RNF213: variants seen among roughly 807,000 people sequenced by gnomAD.
RNF213 encodes E3 ubiquitin-protein ligase RNF213.
In RNF213, 341 loss-of-function variants were observed where a neutral mutation model predicts 514.4. That is an observed-to-expected ratio of 0.66 (90% confidence interval 0.61 to 0.73). The LOEUF (loss-of-function observed/expected upper bound fraction) is 0.73. RNF213 is among the 30% of genes least tolerant of loss of function. The pLI is 0.00. For synonymous variants in RNF213, 2,655 were observed against 2,658.2 expected, an observed-to-expected ratio of 1.00 and a Z score of 0.04; for missense variants, 5,767 against 6,615.6, an observed-to-expected ratio of 0.87 and a Z score of 4.45.
Position 80,360,226 on chromosome 17 carries a change from G to A in RNF213, c.11200+20G>A, listed in dbSNP as rs1472426582. The A allele has an allele frequency of 8.1e-6, 13 of 1,607,296 alleles. No individual in the cohort carries two copies. Among genetic ancestry groups the A allele is most frequent in the Non-Finnish European group, 1.1e-5 (13 of 1,176,826 alleles). ...CAGAAGGTGAGGCTACCTCAAGACAGGTCAGATTCAGCACAGGTGAATCAC... is the reference window on the plus strand; with the variant it reads ...CAGAAGGTGAGGCTACCTCAAGACAAGTCAGATTCAGCACAGGTGAATCAC... On this transcript the variant is annotated intron_variant, in intron 38 of 67. Transcript: ENST00000582970.
rs927824255 is a variant in RNF213, at chr17:80,266,799, C to G, written c.97+3021C>G. On this transcript the variant is annotated intron_variant, in intron 2 of 67. Coordinates refer to ENST00000582970, the MANE Select transcript of RNF213 (RefSeq NM_001256071.3). ...TTACAGGTGTGAGCCACCCACCGCA[C>G]CTGGCCTCATGTCTCTCACTTTAAA... Among the ~76,000 whole-genome samples the G allele has an allele frequency of 5.3e-5, 8 of 152,254 alleles. No individual in the cohort carries two copies. In the South Asian group the frequency reaches 6.2e-4, roughly 12 times the overall value.
chr17:80,271,004 A>G (rs1161120310), intron 2 of RNF213, among the ~76,000 whole-genome samples: 1 of 152,082 alleles, frequency 6.6e-6, no homozygotes, highest in Non-Finnish European at 1.5e-5. Context: ...GGATGCTTCC[A>G]TACTTCTTGC....
intron 36 of RNF213, 126 bp from the exon 37 acceptor site, chr17:80,358,162 G>A (rs140435486): frequency 0.011 from 8,210 of 736,026 alleles, 63 homozygotes; most frequent in Middle Eastern, 0.022. Context: ...TGCTGTCGCT[G>A]TAGTGTGGTA....
chr17:80,298,406 T>C lies in RNF213; in HGVS notation c.2098T>C (p.Cys700Arg), dbSNP rs757938118. The C allele has an allele frequency of 3.7e-6, 6 of 1,614,190 alleles. No individual in the cohort carries two copies. The highest frequency in any genetic ancestry group is 2.5e-6 in the Non-Finnish European group (3 of 1,180,036). ...TWLGALPVLH[C>R]CMELAPRHKD... ...GCTGGGCGCCCTGCCTGTCCTGCAC[T>C]GCTGTATGGAGCTGGCCCCGCGGCA... Residue 700 changes from cysteine to arginine, a missense_variant, in exon 11 of 68, where the codon TGC becomes CGC. This residue lies in a region of RNF213 where 592 missense variants were observed against 673.9 expected (regional missense o/e 0.88). Transcript: ENST00000582970.
At chr17:80,305,478 T>C (rs2045326599) in intron 11 of RNF213, among the ~76,000 whole-genome samples, 1 of 151,288 alleles carries the variant, frequency 6.6e-6, no homozygotes, top group Non-Finnish European at 1.5e-5. Flanking sequence ...GCGCCCGGCC[T>C]GATTTTATTA....
At chr17:80,270,270 C>T (rs1166807261) in intron 2 of RNF213, among the ~76,000 whole-genome samples, 1 of 152,224 alleles carries the variant, frequency 6.6e-6, no homozygotes, top group Non-Finnish European at 1.5e-5. Flanking sequence ...CTATCCTGGG[C>T]ACTTCCCTTG....
chr17:80,293,987 G>A (rs1006344157), intron 8 of RNF213, among the ~76,000 whole-genome samples: 5 of 152,190 alleles, frequency 3.3e-5, no homozygotes, highest in Admixed American at 6.5e-5. Flanking sequence ...ACTGTGGGTC[G>A]AAAGCATGGC....
chr17:80,385,745 T>TG (rs1367631377), intron 61 of RNF213, 124 bp downstream of exon 61: 1 of 833,332 alleles, frequency 1.2e-6, no homozygotes, highest in Non-Finnish European at 2.0e-6. Flanking sequence ...GTTTTTGAGA[T>TG]GGAGTCTTGC....
In RNF213 at chr17:80,342,328, C is replaced by T. The variant is rs144322135; in HGVS notation, c.5990-804C>T. On this transcript the variant is annotated intron_variant, in intron 26 of 67. Transcript: ENST00000582970. ...AACGTGTCCCTAGTGCTAAGTGGCG[C>T]GGGACTCTGCTTTGCCTGCTGTCCT... Among the ~76,000 whole-genome samples the T allele has an allele frequency of 2.4e-4, 37 of 152,224 alleles. No individual in the cohort carries two copies. The East Asian group carries it at 6.0e-3, about 25-fold the overall frequency.
Position 80,294,835 on chromosome 17 carries a change from C to G in RNF213, c.1587C>G (p.Ala529=). ...RKDLVKGKQI[A]AALMLDSTFS... ...ACCTGGTGAAGGGGAAGCAGATTGC[C>G]GCTGCGCTCATGCTGGACAGCACCT... Residue 529 remains alanine (A), a synonymous_variant, in exon 9 of 68, where the codon GCC becomes GCG. Coordinates refer to ENST00000582970, the MANE Select transcript of RNF213 (RefSeq NM_001256071.3). The G allele has an allele frequency of 6.2e-7, 1 of 1,614,188 alleles. No individual in the cohort carries two copies. Among genetic ancestry groups the G allele is most frequent in the Non-Finnish European group, 8.5e-7 (1 of 1,180,036 alleles).
Position 80,389,193 on chromosome 17 carries a change from CA to C in RNF213, c.15022del (p.Ile5008LeufsTer21). On this transcript the variant is annotated frameshift_variant, in exon 65 of 68. Coordinates refer to ENST00000582970, the MANE Select transcript of RNF213 (RefSeq NM_001256071.3). LOFTEE classifies it high-confidence loss of function. ...CCCAGGACTCCCTCCCCAGCTCGGT[CA>C]TTAGTGCCATCAGTGGACAGCTGCA... ...MAQDSLPSSV[I>X]SAISGQLQSY... is the part of the protein sequence containing the mutation. 6.2e-7 allele frequency: 1 copy of C among 1,614,110 alleles called. No individual in the cohort carries two copies. The highest frequency in any genetic ancestry group is 8.5e-7 in the Non-Finnish European group (1 of 1,179,980).
chr17:80,287,503 A>G (rs539737220), intron 3 of RNF213, among the ~76,000 whole-genome samples: 6 of 152,278 alleles, frequency 3.9e-5, no homozygotes, highest in Admixed American at 3.3e-4. Flanking sequence ...CCTTGTCTCA[A>G]ATAAATAAAT....
rs2079798380 is a variant in RNF213, at chr17:80,377,252, A to G, written c.13510+289A>G. Reference sequence around the variant, plus strand: ...TTTTGGGAGAAGGGAGGGACTGGGAACCACATCAGAGACGCATTCAAAGGC... The same window carrying G: ...TTTTGGGAGAAGGGAGGGACTGGGAGCCACATCAGAGACGCATTCAAAGGC... On this transcript the variant is annotated intron_variant, in intron 53 of 67. Transcript: ENST00000582970. This position sits in a 1 kb window ranked among gnomAD's most constrained non-coding sequence, Gnocchi z 4.1. 2.1e-6 allele frequency: 1 copy of G among 472,840 alleles called. No homozygotes were observed. The highest frequency in any genetic ancestry group is 3.4e-5 in the Admixed American group (1 of 29,388). 29.3% of individuals were successfully genotyped at this position (472,840 alleles called of 1,614,324 possible).
At chr17:80,361,664 G>T (rs556200707) in intron 38 of RNF213, 70 bp from the exon 39 acceptor site, 3 of 1,562,546 alleles carry the variant, frequency 1.9e-6, no homozygotes, top group Admixed American at 1.7e-5. Context: ...TCACTCCGGA[G>T]CCCCCTGGAG....
At chr17:80,378,519 G>C (rs533272516) in intron 54 of RNF213, among the ~76,000 whole-genome samples, 2 of 152,264 alleles carry the variant, frequency 1.3e-5, no homozygotes, top group Non-Finnish European at 2.9e-5. Context: ...AGAGTGACAT[G>C]ATCATAGCTC....
In RNF213 at chr17:80,295,096, G is replaced by A. The variant is rs372156192; in HGVS notation, c.1755+93G>A. On this transcript the variant is annotated intron_variant, in intron 9 of 67. Coordinates refer to ENST00000582970, the MANE Select transcript of RNF213 (RefSeq NM_001256071.3). ...ATGACCCCTTGACTCTGTGGGCCAGGTTGCAAATGGGAATGTGTAGAACTT... is the reference window on the plus strand; with the variant it reads ...ATGACCCCTTGACTCTGTGGGCCAGATTGCAAATGGGAATGTGTAGAACTT... 1.9e-5 allele frequency: 28 copies of A among 1,465,342 alleles called. 1 individual carries two copies. The African/African-American group carries it at 3.7e-4, about 20-fold the overall frequency. 90.8% of individuals were successfully genotyped at this position (1,465,342 alleles called of 1,614,324 possible).
intron 3 of RNF213, 88 bp downstream of exon 3, chr17:80,273,492 A>C: frequency 6.5e-7 from 1 of 1,541,250 alleles, no homozygotes; most frequent in Non-Finnish European, 8.8e-7. Flanking sequence ...GCCCCCGAAA[A>C]TGCCACCATG....
In RNF213 at chr17:80,340,073, C is replaced by T. The variant is rs996698800; in HGVS notation, c.5706C>T (p.Tyr1902=). The T allele has an allele frequency of 4.4e-6, 7 of 1,590,018 alleles. No individual in the cohort carries two copies. The highest frequency in any genetic ancestry group is 2.3e-5 in the South Asian group (2 of 88,330). ...TGCTGTTCGCAGATCAGCTGAGCTA[C>T]GAGGTGGCACGCCAAGCGGAGGAGC... ...YSLLFADQLS[Y]EVARQAEELF... Residue 1902 remains tyrosine, a synonymous_variant, in exon 26 of 68, where the codon TAC becomes TAT. Transcript: ENST00000582970.
intron 15 of RNF213, chr17:80,315,770 TG>T (rs2045909186): frequency 3.8e-5 from 1 of 26,198 alleles, no homozygotes; most frequent in Non-Finnish European, 9.0e-5. Context: ...GTGGTGATGC[TG>T]GTGGTGGTGG....
Sources: gnomAD v4.1 joint callset for allele counts (sites outside exome capture counted in the v4.1 genomes callset) on GRCh38, gnomAD v4.1.1 for gene constraint, gnomAD v4.1.1 regional missense constraint, Gnocchi (gnomAD v3.1) non-coding constraint, MANE v1.5 for transcripts, NCBI Gene and HGNC (gene_info 2026-07-23, HGNC 2026-07-21) for gene names.